SCOC: variants seen among roughly 807,000 people sequenced by gnomAD.
SCOC encodes short coiled coil protein.
SCOC carries 7 observed loss-of-function variants against 9.9 expected under a neutral mutation model. That is an observed-to-expected ratio of 0.71 (90% CI 0.40 to 1.33). The LOEUF is 1.33. Ranked by LOEUF, SCOC falls within the 40% of genes most tolerant of loss-of-function variation. The probability of loss-of-function intolerance (pLI) is 0.01; values close to 1 mark genes in which losing one functional copy is unlikely to be tolerated. For synonymous variants in SCOC, 19 were observed against 28.2 expected, an observed-to-expected ratio of 0.67 and a Z score of 1.03; for missense variants, 66 against 89.7, an observed-to-expected ratio of 0.74 and a Z score of 1.07.
At chr4:140,347,745 T>C (rs537146649) in intron 2 of SCOC, among the ~76,000 whole-genome samples, 35 of 152,322 alleles carry the variant, frequency 2.3e-4, no homozygotes, top group South Asian at 4.1e-4. Context: ...ATAATTTTTT[T>C]CCCCTACTTT....
intron 1 of SCOC, among the ~76,000 whole-genome samples, chr4:140,278,869 C>T (rs974182125): frequency 7.7e-6 from 1 of 129,738 alleles, no homozygotes; most frequent in East Asian, 2.8e-4. Context: ...CTTTGCCCCC[C>T]CAACCCCATC....
chr4:140,319,407 G>A (rs556470468), intron 1 of SCOC, among the ~76,000 whole-genome samples: 43 of 152,026 alleles, frequency 2.8e-4, no homozygotes, highest in Non-Finnish European at 5.0e-4. Context: ...CCAGAACTTC[G>A]TGGAGTTATT....
At chr4:140,268,268 C>T (rs1730773028) in intron 1 of SCOC, among the ~76,000 whole-genome samples, 1 of 152,178 alleles carries the variant, frequency 6.6e-6, no homozygotes, top group South Asian at 2.1e-4. Context: ...TATCTTGTGT[C>T]TGGTTCAAAT....
chr4:140,296,916 T>C (rs1731657056), intron 1 of SCOC, among the ~76,000 whole-genome samples: 1 of 152,210 alleles, frequency 6.6e-6, no homozygotes, highest in Admixed American at 6.5e-5. Context: ...AGGTCTTACA[T>C]TCGCTTTTAT....
chr4:140,342,302 C>T (rs1280166245), upstream of SCOC, among the ~76,000 whole-genome samples: 1 of 152,240 alleles, frequency 6.6e-6, no homozygotes, highest in South Asian at 2.1e-4. Context: ...CTCAAATGTC[C>T]CCTTCTCTAA....
At chr4:140,343,981 G>A (rs944585373) in intron 2 of SCOC, among the ~76,000 whole-genome samples, 4 of 152,110 alleles carry the variant, frequency 2.6e-5, no homozygotes, top group Admixed American at 1.3e-4. Flanking sequence ...GAAACATGAT[G>A]TCAAAGTTGC....
At chr4:140,345,706 T>A (rs1449130688) in intron 2 of SCOC, among the ~76,000 whole-genome samples, 1 of 152,218 alleles carries the variant, frequency 6.6e-6, no homozygotes, top group Non-Finnish European at 1.5e-5. Flanking sequence ...TTTTACAATA[T>A]ACATATATGC....
chr4:140,270,170 G>A (rs543359089), intron 1 of SCOC, among the ~76,000 whole-genome samples: 7 of 152,160 alleles, frequency 4.6e-5, no homozygotes, highest in Non-Finnish European at 8.8e-5. Flanking sequence ...GGGATACAAG[G>A]TATAAGGTTT....
chr4:140,321,579 A>T (rs1403194989), intron 1 of SCOC, among the ~76,000 whole-genome samples: 1 of 152,208 alleles, frequency 6.6e-6, no homozygotes, highest in African/African-American at 2.4e-5. Context: ...AGTAGACTTG[A>T]TATAGTCAAG....
chr4:140,264,082 C>A (rs1367506095), intron 1 of SCOC, among the ~76,000 whole-genome samples: 1 of 152,190 alleles, frequency 6.6e-6, no homozygotes, highest in Non-Finnish European at 1.5e-5. Context: ...TCACTTCAGC[C>A]TTGAACTCCT....
chr4:140,369,984 T>A (rs964075333), upstream of SCOC, among the ~76,000 whole-genome samples: 1 of 148,608 alleles, frequency 6.7e-6, no homozygotes, highest in Non-Finnish European at 1.5e-5. Flanking sequence ...GTTCAAGCAG[T>A]TCTCCTGCTT....
chr4:140,292,003 G>A (rs1274029475), intron 1 of SCOC, among the ~76,000 whole-genome samples: 1 of 151,986 alleles, frequency 6.6e-6, no homozygotes, highest in Non-Finnish European at 1.5e-5. Flanking sequence ...TCTCAGACCT[G>A]GGAAATAGGT....
At chr4:140,334,462 A>C (rs1394336195) in intron 1 of SCOC, among the ~76,000 whole-genome samples, 3 of 152,216 alleles carry the variant, frequency 2.0e-5, no homozygotes, top group Non-Finnish European at 1.5e-5. Flanking sequence ...AATGACATAT[A>C]ATTTAAATAC....
Position 140,381,960 on chromosome 4 carries a change from T to C in SCOC, c.*856T>C, listed in dbSNP as rs1235031247. ...TTTCACTCCAGATTTGTGTTTTCTC[T>C]GGCACAGAGTAGATCTTTTGGGAAA... On this transcript the variant is annotated 3_prime_UTR_variant, in exon 4 of 4. Transcript: ENST00000608372. 1 of 152,222 alleles carries C rather than the reference T, an allele frequency of 6.6e-6. No homozygotes were observed. Among genetic ancestry groups the C allele is most frequent in the Non-Finnish European group, 1.5e-5 (1 of 68,026 alleles). 9.4% of individuals were successfully genotyped at this position (152,222 alleles called of 1,614,324 possible). A position where few individuals can be genotyped will look rare whatever the true frequency, so the allele number is the denominator to read the frequency against.
chr4:140,276,237 C>T (rs1055589846), intron 1 of SCOC, among the ~76,000 whole-genome samples: 48 of 152,206 alleles, frequency 3.2e-4, no homozygotes, highest in African/African-American at 1.1e-3. Flanking sequence ...CTCCTGTCCT[C>T]GTGATCCGCC....
chr4:140,373,388 G>A, upstream of SCOC: 1 of 1,457,606 alleles, frequency 6.9e-7, no homozygotes, highest in Non-Finnish European at 9.1e-7. Context: ...GCGCCGCTTA[G>A]CTTCGCTTCT....
intron 1 of SCOC, among the ~76,000 whole-genome samples, chr4:140,318,842 C>T (rs953596031): frequency 6.6e-6 from 1 of 152,172 alleles, no homozygotes; most frequent in Non-Finnish European, 1.5e-5. Context: ...AAAGCCCTTC[C>T]TTCTTTAACT....
In SCOC at chr4:140,379,662, C is replaced by A; in HGVS notation, c.106+10C>A. The A allele has an allele frequency of 6.3e-7, 1 of 1,580,446 alleles. No homozygotes were observed. The highest frequency in any genetic ancestry group is 8.6e-7 in the Non-Finnish European group (1 of 1,161,580). On this transcript the variant is annotated intron_variant, in intron 3 of 3. Coordinates refer to ENST00000608372, the MANE Select transcript of SCOC (RefSeq NM_001153484.2). ...CAACACACACTTGAAGGTTGGCTTG[C>A]ATTTTGTAGTTTATTTGAATGACAG...
rs551207926 is a variant in SCOC, at chr4:140,373,771, T to C, written c.-51+54T>C. On this transcript the variant is annotated intron_variant, in intron 1 of 3. Coordinates refer to ENST00000608372, the MANE Select transcript of SCOC (RefSeq NM_001153484.2). ...CTGGCCCCAGGCGACTAGAGCTGCA[T>C]CCTCAGTACCTCCGAGGGCCTGGAG... 4.0e-6 allele frequency: 6 copies of C among 1,500,028 alleles called. No individual in the cohort carries two copies. In the South Asian group the frequency reaches 7.2e-5, roughly 18 times the overall value. The allele number at this position is 1,500,028 out of a possible 1,614,324, so 92.9% of individuals were successfully genotyped here.
Sources: allele counts gnomAD v4.1 joint callset (sites outside exome capture counted in the v4.1 genomes callset), GRCh38; gene constraint gnomAD v4.1.1; transcripts MANE v1.5; gene names NCBI Gene and HGNC (gene_info 2026-07-23, HGNC 2026-07-21).